The following PDK1 variants were observed in gnomAD, a reference collection of about 807,000 sequenced individuals.
PDK1 encodes pyruvate dehydrogenase kinase 1, also known as [Pyruvate dehydrogenase (acetyl-transferring)] kinase isozyme 1, mitochondrial.
In PDK1, 39 loss-of-function variants were observed where a neutral mutation model predicts 54.2. The observed-to-expected ratio is 0.72, with a 90% CI of 0.56 to 0.94. The LOEUF is 0.94. Among genes scored for constraint, PDK1 ranks in the 40% least tolerant of loss-of-function variants. PDK1 has a pLI of 0.00. For synonymous variants in PDK1, 221 were observed against 207.1 expected, an observed-to-expected ratio of 1.07 and a Z score of -0.58; for missense variants, 552 against 566.0, an observed-to-expected ratio of 0.98 and a Z score of 0.25.
At chr2:172,667,754 C>G in the PDK1 span, among the ~76,000 whole-genome samples, 1 of 152,154 alleles carries the variant, frequency 6.6e-6, no homozygotes, top group African/African-American at 2.4e-5. Context: ...TTTACATCAC[C>G]ATCACATACT....
chr2:172,609,418 A>G (rs1055498730), downstream of PDK1, among the ~76,000 whole-genome samples: 3 of 152,262 alleles, frequency 2.0e-5, no homozygotes, highest in African/African-American at 7.2e-5. Context: ...TTTACTTACT[A>G]TAAAGAAAAT....
intron 5 of PDK1, among the ~76,000 whole-genome samples, chr2:172,566,539 C>T (rs11902846): frequency 6.6e-6 from 1 of 151,252 alleles, no homozygotes; most frequent in African/African-American, 2.4e-5. Context: ...CCTGGTTGAT[C>T]GAGACTCCGT....
intron 8 of PDK1, among the ~76,000 whole-genome samples, chr2:172,584,958 C>T (rs964143892): frequency 6.6e-6 from 1 of 151,480 alleles, no homozygotes; most frequent in African/African-American, 2.4e-5. Flanking sequence ...GTGTGAGCCA[C>T]CAGACCCACC....
chr2:172,683,440 G>T, the PDK1 span, among the ~76,000 whole-genome samples: 1 of 152,074 alleles, frequency 6.6e-6, no homozygotes, highest in Non-Finnish European at 1.5e-5. Flanking sequence ...CATCTGCTCA[G>T]CTTCTGGGGA....
chr2:172,680,034 T>C, the PDK1 span, among the ~76,000 whole-genome samples: 51 of 152,206 alleles, frequency 3.4e-4, no homozygotes, highest in Non-Finnish European at 5.3e-4. Context: ...CCCTCAATGC[T>C]TAAGAGAAAA....
chr2:172,559,226 C>T (rs1275948053), intron 2 of PDK1, among the ~76,000 whole-genome samples: 1 of 152,112 alleles, frequency 6.6e-6, no homozygotes, highest in East Asian at 1.9e-4. Context: ...GGATTACAGA[C>T]GTGAGCCACC....
chr2:172,652,332 G>A, the PDK1 span, among the ~76,000 whole-genome samples: 1 of 152,104 alleles, frequency 6.6e-6, no homozygotes, highest in African/African-American at 2.4e-5. Context: ...AATAATAAGA[G>A]CTATTTATGA....
Position 172,564,359 on chromosome 2 carries a change from TTAAA to T in PDK1, c.411-140_411-137del, listed in dbSNP as rs1688820816. ...GTATATTTTATGATCTGAAATACAT[TTAAA>T]TAAGTATAGGAAAACATGAACCGAT... On this transcript the variant is annotated intron_variant, in intron 3 of 10. Coordinates refer to ENST00000282077, the MANE Select transcript of PDK1 (RefSeq NM_002610.5). The T allele has an allele frequency of 4.9e-6, 3 of 617,322 alleles. No homozygotes were observed. In the Admixed American group the frequency reaches 8.7e-5, roughly 18 times the overall value. 38.2% of individuals were successfully genotyped at this position (617,322 alleles called of 1,614,324 possible).
chr2:172,715,564 G>A, the PDK1 span, among the ~76,000 whole-genome samples: 119 of 152,260 alleles, frequency 7.8e-4, no homozygotes, highest in Non-Finnish European at 1.3e-3. Context: ...GTGAGAGACT[G>A]TTCACAGAAG....
At chr2:172,620,998 G>A in the PDK1 span, among the ~76,000 whole-genome samples, 1 of 152,136 alleles carries the variant, frequency 6.6e-6, no homozygotes, top group Non-Finnish European at 1.5e-5. Context: ...AGAACATGTC[G>A]GCTGGGCACG....
chr2:172,585,575 C>G (rs1177492929), intron 8 of PDK1, among the ~76,000 whole-genome samples: 3 of 152,064 alleles, frequency 2.0e-5, no homozygotes, highest in Admixed American at 6.6e-5. Context: ...ATTCACCCAT[C>G]TCTGCCTTCC....
the PDK1 span, among the ~76,000 whole-genome samples, chr2:172,656,515 G>C: frequency 9.5e-4 from 145 of 152,258 alleles, 1 homozygote; most frequent in African/African-American, 3.2e-3. Flanking sequence ...GGTTGATTAG[G>C]CTCTGGCAAA....
At position 172,597,331 on chromosome 2, in the gene PDK1, C is replaced by T. The variant is rs1433512770; in HGVS notation, c.*1362C>T. 6.6e-6 allele frequency: 1 copy of T among 152,098 alleles called. No homozygotes were observed. Among genetic ancestry groups the T allele is most frequent in the African/African-American group, 2.4e-5 (1 of 41,412 alleles). 9.4% of individuals were successfully genotyped at this position (152,098 alleles called of 1,614,324 possible). On this transcript the variant is annotated 3_prime_UTR_variant, in exon 11 of 11. Coordinates refer to ENST00000282077, the MANE Select transcript of PDK1 (RefSeq NM_002610.5). Reference sequence around the variant, plus strand: ...TATGTTCCCAGGCTAGTGTTGAACTCCTGAGCTCAAGAAATCCTCCTGCCT... The same window carrying T: ...TATGTTCCCAGGCTAGTGTTGAACTTCTGAGCTCAAGAAATCCTCCTGCCT...
the PDK1 span, chr2:172,676,992 T>C: frequency 7.9e-5 from 12 of 152,356 alleles, no homozygotes; most frequent in African/African-American, 2.9e-4. Context: ...GCTCAGACAG[T>C]TGTCAGCATT....
At chr2:172,578,015 C>T (rs1689670504) in intron 8 of PDK1, among the ~76,000 whole-genome samples, 1 of 152,102 alleles carries the variant, frequency 6.6e-6, no homozygotes, top group East Asian at 1.9e-4. Flanking sequence ...CCATGTCTGT[C>T]AGTGATCATC....
At chr2:172,589,243 C>T (rs1232946291) in intron 9 of PDK1, among the ~76,000 whole-genome samples, 2 of 152,190 alleles carry the variant, frequency 1.3e-5, no homozygotes, top group East Asian at 3.8e-4. Flanking sequence ...CGCTCAGAGT[C>T]ACAACAGGAA....
chr2:172,610,956 C>G (rs1691442614), downstream of PDK1, among the ~76,000 whole-genome samples: 1 of 152,210 alleles, frequency 6.6e-6, no homozygotes, highest in East Asian at 1.9e-4. Context: ...TTGATTAATA[C>G]AGCTGTAAAA....
chr2:172,674,194 C>G, the PDK1 span: 2 of 152,600 alleles, frequency 1.3e-5, no homozygotes, highest in African/African-American at 4.8e-5. Flanking sequence ...CTTTTGGTGG[C>G]CGCAGGTGGC....
At chr2:172,667,340 A>G in the PDK1 span, among the ~76,000 whole-genome samples, 1 of 152,168 alleles carries the variant, frequency 6.6e-6, no homozygotes, top group Non-Finnish European at 1.5e-5. Context: ...TATTTTGAAT[A>G]ATTTCAGCAA....
Sources: gnomAD v4.1 joint callset for allele counts (sites outside exome capture counted in the v4.1 genomes callset) on GRCh38, gnomAD v4.1.1 for gene constraint, MANE v1.5 for transcripts, NCBI Gene and HGNC (gene_info 2026-07-23, HGNC 2026-07-21) for gene names.